Variants in GPR39 observed in about 807,000 individuals in gnomAD.
GPR39 encodes zinc sensing receptor.
A neutral mutation model predicts 18.4 loss-of-function variants in GPR39; 23 were observed. The ratio of observed to expected loss-of-function variants is 1.25; its 90% CI spans 0.90 to 1.77. The LOEUF (loss-of-function observed/expected upper bound fraction) is 1.77, where lower values mean the gene tolerates loss of function less well. Ranked by LOEUF, GPR39 falls within the 40% of genes most tolerant of loss-of-function variation. The pLI, the probability that GPR39 is intolerant of heterozygous loss-of-function variation, is 0.00. For missense variants in GPR39, 647 were observed against 602.4 expected (o/e 1.07, Z -0.78); for synonymous variants, 280 against 257.9 (o/e 1.09, Z -0.82).
At chr2:132,537,887 A>C in intron 1 of GPR39, among the ~76,000 whole-genome samples, 1 of 152,052 alleles carries the variant, frequency 6.6e-6, no homozygotes, top group South Asian at 2.1e-4. Flanking sequence ...TGTGTTTTTC[A>C]GCTCCATCAG....
At chr2:132,537,725 C>A (rs1334063593) in intron 1 of GPR39, among the ~76,000 whole-genome samples, 1 of 151,892 alleles carries the variant, frequency 6.6e-6, no homozygotes, top group Non-Finnish European at 1.5e-5. Context: ...CCATATTTCT[C>A]AGAGGTTTTG....
At chr2:132,559,402 C>T (rs1028884165) in intron 1 of GPR39, among the ~76,000 whole-genome samples, 6 of 152,110 alleles carry the variant, frequency 3.9e-5, no homozygotes, top group Admixed American at 1.3e-4. Context: ...ACTTTCCATG[C>T]GTAGAAAATG....
chr2:132,417,791 T>A lies in GPR39; in HGVS notation c.749T>A (p.Met250Lys). 1 of 1,614,114 alleles carries A rather than the reference T, an allele frequency of 6.2e-7. No homozygotes were observed. The highest frequency in any genetic ancestry group is 8.5e-7 in the Non-Finnish European group (1 of 1,180,024). Residue 250 changes from methionine to lysine, a missense_variant, in exon 1 of 2, where the codon ATG (methionine) becomes AAG (lysine). By Grantham distance (95) the Met-to-Lys change is moderately conservative (BLOSUM62 -1). Around this residue, in one of 3 missense-constraint regions of GPR39, gnomAD observed 581 missense variants for 506.8 expected, o/e 1.15. Transcript: ENST00000329321. ...FMCWNMMQVL[M>K]KSQKGSLAGG... ...TGCTGGAACATGATGCAGGTGCTCA[T>A]GAAAAGCCAGAAGGGCTCGCTGGCC...
intron 1 of GPR39, among the ~76,000 whole-genome samples, chr2:132,622,326 G>A (rs928638095): frequency 4.6e-5 from 7 of 152,236 alleles, no homozygotes; most frequent in African/African-American, 1.2e-4. Context: ...ACTGGGAGGC[G>A]GAGGTTGCAG....
At chr2:132,508,623 G>T (rs1160464009) in intron 1 of GPR39, among the ~76,000 whole-genome samples, 1 of 152,172 alleles carries the variant, frequency 6.6e-6, no homozygotes, top group Non-Finnish European at 1.5e-5. Context: ...AGAGGTGGAG[G>T]ACAGCATCTT....
chr2:132,541,503 T>G (rs147066588), intron 1 of GPR39, among the ~76,000 whole-genome samples: 3 of 152,182 alleles, frequency 2.0e-5, no homozygotes, highest in Admixed American at 6.5e-5. Flanking sequence ...ATTTCACAGT[T>G]TTCTGTCATC....
chr2:132,581,292 A>G (rs1020973459), intron 1 of GPR39, among the ~76,000 whole-genome samples: 3 of 151,754 alleles, frequency 2.0e-5, no homozygotes, highest in African/African-American at 4.8e-5. Context: ...TCCATTTGAC[A>G]CATAGTCAGG....
At chr2:132,509,807 C>G (rs1224514180) in intron 1 of GPR39, among the ~76,000 whole-genome samples, 3 of 152,144 alleles carry the variant, frequency 2.0e-5, no homozygotes. Context: ...CTCTCTGGCT[C>G]CAATAGGTCA....
At chr2:132,446,730 G>T (rs1680544394) in intron 1 of GPR39, among the ~76,000 whole-genome samples, 1 of 152,134 alleles carries the variant, frequency 6.6e-6, no homozygotes, top group African/African-American at 2.4e-5. Flanking sequence ...AGCAGGGGCA[G>T]TAATGGAGAT....
rs1678981673 is a variant in GPR39, at chr2:132,499,996, G to C, written c.856+82098G>C. On this transcript the variant is annotated intron_variant, in intron 1 of 1. Coordinates refer to ENST00000329321, the MANE Select transcript of GPR39 (RefSeq NM_001508.3). ...GGAGCTTTTTGGATGAGTCTTTAGG[G>C]TTTTCTATGTATACGATCATATCAT... 2.0e-5 allele frequency among the ~76,000 whole-genome samples: 3 copies of C among 152,106 alleles called. No individual in the cohort carries two copies. The South Asian group carries it at 6.2e-4, about 32-fold the overall frequency.
At chr2:132,567,613 C>T (rs905254290) in intron 1 of GPR39, among the ~76,000 whole-genome samples, 3 of 152,110 alleles carry the variant, frequency 2.0e-5, no homozygotes, top group East Asian at 1.9e-4. Flanking sequence ...ATAAATTACC[C>T]GGTGTTAGGT....
intron 1 of GPR39, among the ~76,000 whole-genome samples, chr2:132,482,184 C>T (rs557999957): frequency 1.1e-4 from 16 of 152,306 alleles, no homozygotes; most frequent in African/African-American, 3.8e-4. Context: ...TAGATCCAGA[C>T]CTTAGTATTT....
intron 1 of GPR39, among the ~76,000 whole-genome samples, chr2:132,476,668 A>G (rs1174593914): frequency 6.9e-6 from 1 of 144,246 alleles, no homozygotes; most frequent in Non-Finnish European, 1.5e-5. Context: ...AAAAAGATAG[A>G]TATGTAAAGA....
chr2:132,613,543 A>G (rs1034247105), intron 1 of GPR39, among the ~76,000 whole-genome samples: 2 of 152,186 alleles, frequency 1.3e-5, no homozygotes, highest in African/African-American at 4.8e-5. Flanking sequence ...TTTACTTCAA[A>G]TGCTTGTTTG....
chr2:132,563,989 C>T (rs927727664), intron 1 of GPR39, among the ~76,000 whole-genome samples: 3 of 152,200 alleles, frequency 2.0e-5, no homozygotes, highest in East Asian at 3.9e-4. Flanking sequence ...GTGGTTCAAA[C>T]GTACAGCAAA....
chr2:132,588,154 C>G (rs1680764607), intron 1 of GPR39, among the ~76,000 whole-genome samples: 1 of 152,048 alleles, frequency 6.6e-6, no homozygotes, highest in Non-Finnish European at 1.5e-5. Context: ...GGAGAAGGTC[C>G]TGGAGTTAAA....
At chr2:132,618,763 A>C (rs78997713) in intron 1 of GPR39, among the ~76,000 whole-genome samples, 6,995 of 152,042 alleles carry the variant, frequency 0.046, 529 homozygotes, top group African/African-American at 0.16. Flanking sequence ...CTTCAGCATC[A>C]CCCTCACAAA....
At chr2:132,489,590 A>G (rs899623470) in intron 1 of GPR39, among the ~76,000 whole-genome samples, 3 of 151,970 alleles carry the variant, frequency 2.0e-5, no homozygotes, top group African/African-American at 7.3e-5. Flanking sequence ...GGTACCGGGT[A>G]AGGAAAACCT....
intron 1 of GPR39, among the ~76,000 whole-genome samples, chr2:132,471,652 GTTTTTTTT>G (rs60886637): frequency 1.4e-5 from 2 of 138,476 alleles, no homozygotes; most frequent in East Asian, 4.2e-4. Context: ...CCAGCAAGGA[GTTTTTTTT>G]TTTTTTTTTC....
Sources: gnomAD v4.1 joint callset for allele counts (sites outside exome capture counted in the v4.1 genomes callset) on GRCh38, gnomAD v4.1.1 for gene constraint, gnomAD v4.1.1 regional missense constraint, MANE v1.5 for transcripts, NCBI Gene and HGNC (gene_info 2026-07-23, HGNC 2026-07-21) for gene names.